The following PDE1A variants were observed in gnomAD, a reference collection of about 807,000 sequenced individuals.
The protein encoded by PDE1A is dual specificity calcium/calmodulin-dependent 3',5'-cyclic nucleotide phosphodiesterase 1A.
In PDE1A, 35 loss-of-function variants were observed where a neutral mutation model predicts 61.7. The observed-to-expected ratio is 0.57, with a 90% CI of 0.43 to 0.75. PDE1A has a LOEUF of 0.75. Ranked by LOEUF, PDE1A falls within the 30% of genes least tolerant of loss-of-function variation. PDE1A has a pLI of 0.00. For missense variants in PDE1A, 597 were observed against 630.6 expected (o/e 0.95, Z 0.57); for synonymous variants, 232 against 213.2 (o/e 1.09, Z -0.77).
intron 2 of PDE1A, among the ~76,000 whole-genome samples, chr2:182,480,040 C>T (rs1687610114): frequency 6.6e-6 from 1 of 151,892 alleles, no homozygotes; most frequent in Admixed American, 6.6e-5. Context: ...ATTAAACATT[C>T]AGCACCATTA....
intron 2 of PDE1A, among the ~76,000 whole-genome samples, chr2:182,485,182 G>T (rs541218937): frequency 5.3e-5 from 8 of 152,108 alleles, no homozygotes; most frequent in Non-Finnish European, 1.2e-4. Context: ...ATACTATGCA[G>T]CCATAAAAAG....
At chr2:182,631,918 A>G in the PDE1A span, among the ~76,000 whole-genome samples, 3 of 152,258 alleles carry the variant, frequency 2.0e-5, no homozygotes, top group African/African-American at 7.2e-5. Context: ...AGAAATTCTC[A>G]TAAATAAAAA....
the PDE1A span, among the ~76,000 whole-genome samples, chr2:182,681,348 C>T: frequency 6.6e-6 from 1 of 151,594 alleles, no homozygotes; most frequent in Non-Finnish European, 1.5e-5. Flanking sequence ...TGCTCTGTTG[C>T]CCAGGCTGGA....
At chr2:182,540,566 T>C in the PDE1A span, among the ~76,000 whole-genome samples, 1 of 152,112 alleles carries the variant, frequency 6.6e-6, no homozygotes, top group Non-Finnish European at 1.5e-5. Context: ...AACTACTTCT[T>C]AAAACAAATA....
intron 8 of PDE1A, among the ~76,000 whole-genome samples, chr2:182,202,570 G>A (rs773714903): frequency 4.6e-5 from 7 of 152,056 alleles, no homozygotes; most frequent in Non-Finnish European, 7.3e-5. Flanking sequence ...AAGATTCAAC[G>A]CAAGAGGTCC....
chr2:182,315,097 A>AC (rs1696250071), intron 1 of PDE1A, among the ~76,000 whole-genome samples: 1 of 152,202 alleles, frequency 6.6e-6, no homozygotes, highest in Non-Finnish European at 1.5e-5. Context: ...ATCCTGATTA[A>AC]TAATACTCCT....
At chr2:182,276,924 A>T (rs1413567264) in intron 1 of PDE1A, among the ~76,000 whole-genome samples, 1 of 151,916 alleles carries the variant, frequency 6.6e-6, no homozygotes. Context: ...CGGGCTTATT[A>T]GGGTGGGGAA....
At chr2:182,647,825 G>A in the PDE1A span, among the ~76,000 whole-genome samples, 1 of 152,090 alleles carries the variant, frequency 6.6e-6, no homozygotes, top group Non-Finnish European at 1.5e-5. Flanking sequence ...TACACAGTGA[G>A]CTGATAAACA....
intron 1 of PDE1A, among the ~76,000 whole-genome samples, chr2:182,278,830 AG>A (rs1487614240): frequency 6.6e-6 from 1 of 152,040 alleles, no homozygotes; most frequent in Non-Finnish European, 1.5e-5. Context: ...GACTAACCCA[AG>A]AATATGTGAA....
chr2:182,147,412 A>G (rs1165055628), intron 13 of PDE1A, among the ~76,000 whole-genome samples: 1 of 152,196 alleles, frequency 6.6e-6, no homozygotes, highest in Non-Finnish European at 1.5e-5. Context: ...AATAGATGAA[A>G]CATGTTTAAA....
chr2:182,573,943 T>C, the PDE1A span, among the ~76,000 whole-genome samples: 1 of 133,956 alleles, frequency 7.5e-6, no homozygotes, highest in Non-Finnish European at 1.5e-5. Flanking sequence ...TGTATATTTA[T>C]ATATTATATA....
intron 7 of PDE1A, among the ~76,000 whole-genome samples, chr2:182,219,580 C>G (rs1329873642): frequency 6.6e-6 from 1 of 152,080 alleles, no homozygotes; most frequent in Non-Finnish European, 1.5e-5. Context: ...AAGTTTGCTA[C>G]CACTTACCCA....
chr2:182,282,567 C>T (rs1348898754), intron 1 of PDE1A, among the ~76,000 whole-genome samples: 1 of 151,930 alleles, frequency 6.6e-6, no homozygotes, highest in African/African-American at 2.4e-5. Context: ...TCAAACATCC[C>T]AATATTTGTA....
At chr2:182,640,733 A>G in the PDE1A span, among the ~76,000 whole-genome samples, 2 of 152,156 alleles carry the variant, frequency 1.3e-5, no homozygotes, top group African/African-American at 4.8e-5. Flanking sequence ...ATCAGAAAAT[A>G]TGCAGGCCGG....
chr2:182,643,328 G>A, the PDE1A span, among the ~76,000 whole-genome samples: 2 of 152,294 alleles, frequency 1.3e-5, no homozygotes, highest in East Asian at 3.9e-4. Flanking sequence ...GTACGGCACA[G>A]GTAAGCAGGG....
chr2:182,298,495 C>A (rs925278226), intron 1 of PDE1A, among the ~76,000 whole-genome samples: 1 of 152,070 alleles, frequency 6.6e-6, no homozygotes, highest in Non-Finnish European at 1.5e-5. Context: ...GGGATGGGGA[C>A]AATGCGGGTG....
intron 1 of PDE1A, 91 bp from the exon 2 acceptor site, chr2:182,264,505 G>T: frequency 3.6e-6 from 3 of 830,340 alleles, no homozygotes; most frequent in South Asian, 1.9e-5. Flanking sequence ...ACTCAGTTAA[G>T]ATTTTTAACA....
At chr2:182,683,717 C>A in the PDE1A span, among the ~76,000 whole-genome samples, 1 of 152,174 alleles carries the variant, frequency 6.6e-6, no homozygotes, top group South Asian at 2.1e-4. Context: ...AAGCTTGCAG[C>A]TTTTCACTAG....
At chr2:182,442,840 C>A (rs1173529428) in intron 2 of PDE1A, among the ~76,000 whole-genome samples, 5 of 151,906 alleles carry the variant, frequency 3.3e-5, no homozygotes, top group African/African-American at 7.3e-5. Flanking sequence ...TTGTATCTTA[C>A]AATAAATTTT....
Sources: allele counts gnomAD v4.1 joint callset (sites outside exome capture counted in the v4.1 genomes callset), GRCh38; gene constraint gnomAD v4.1.1; transcripts MANE v1.5; gene names NCBI Gene and HGNC (gene_info 2026-07-23, HGNC 2026-07-21).